The following RIT2 variants were observed in gnomAD, a reference collection of about 807,000 sequenced individuals.
The protein encoded by RIT2 is GTP-binding protein Rit2.
In RIT2, 24 loss-of-function variants were observed where a neutral mutation model predicts 23.7. That is an observed-to-expected ratio of 1.01 (90% CI 0.73 to 1.43). The LOEUF is 1.43. Ranked by LOEUF, RIT2 falls within the 40% of genes most tolerant of loss-of-function variation. The pLI is 0.00. For missense variants in RIT2, 236 were observed against 266.9 expected (o/e 0.88, Z 0.81); for synonymous variants, 107 against 91.1 (o/e 1.17, Z -0.99).
At chr18:42,796,450 C>T (rs1168958654) in intron 4 of RIT2, among the ~76,000 whole-genome samples, 1 of 127,856 alleles carries the variant, frequency 7.8e-6, no homozygotes, top group South Asian at 3.0e-4. Flanking sequence ...GTCAGTGAGA[C>T]CAAGAACCCA....
chr18:42,959,725 ATTGCAC>A (rs1910054291), intron 3 of RIT2, among the ~76,000 whole-genome samples: 1 of 152,200 alleles, frequency 6.6e-6, no homozygotes, highest in Admixed American at 6.5e-5. Flanking sequence ...TCATAATTTA[ATTGCAC>A]TATGAACCAT....
At chr18:43,024,766 G>C (rs1328882717) in intron 2 of RIT2, among the ~76,000 whole-genome samples, 1 of 150,752 alleles carries the variant, frequency 6.6e-6, no homozygotes, top group African/African-American at 2.4e-5. Context: ...TATAAAGTGG[G>C]CAAAGAACAT....
chr18:43,078,239 T>A (rs566377171), intron 1 of RIT2, among the ~76,000 whole-genome samples: 4 of 152,272 alleles, frequency 2.6e-5, no homozygotes, highest in Admixed American at 6.5e-5. Flanking sequence ...TGACAATTCC[T>A]CTATCCACAT....
intron 4 of RIT2, among the ~76,000 whole-genome samples, chr18:42,823,285 C>T (rs1906202093): frequency 2.0e-5 from 3 of 152,148 alleles, no homozygotes; most frequent in African/African-American, 7.2e-5. Flanking sequence ...AAATATTTCA[C>T]ACATTTGTTT....
intron 4 of RIT2, among the ~76,000 whole-genome samples, chr18:42,833,353 A>G (rs1039545226): frequency 2.6e-5 from 4 of 152,144 alleles, no homozygotes; most frequent in African/African-American, 7.2e-5. Context: ...TCCATTCTGT[A>G]TATATACTAC....
intron 4 of RIT2, among the ~76,000 whole-genome samples, chr18:42,858,887 C>A (rs1048847731): frequency 1.1e-4 from 17 of 152,148 alleles, no homozygotes; most frequent in African/African-American, 3.9e-4. Flanking sequence ...ATCAGTACTT[C>A]ATTTCTTTGC....
intron 4 of RIT2, among the ~76,000 whole-genome samples, chr18:42,900,381 A>G (rs1012702305): frequency 2.6e-4 from 39 of 152,110 alleles, no homozygotes; most frequent in African/African-American, 8.9e-4. Flanking sequence ...AGTCCATGCC[A>G]TGACAGGCAG....
rs1907463773 is a variant in RIT2, at chr18:42,866,149, A to G, written c.426+57423T>C. 1.3e-5 allele frequency among the ~76,000 whole-genome samples: 2 copies of G among 152,166 alleles called. 1 individual carries two copies. The highest frequency in any genetic ancestry group is 4.1e-4 in the South Asian group (2 of 4,830). ...AGTGGGTGTTTATTATGGTTTTGAA[A>G]CAATTGACATGAGAAGCTGGTTATT... On this transcript the variant is annotated intron_variant, in intron 4 of 4. Transcript: ENST00000326695.
intron 4 of RIT2, among the ~76,000 whole-genome samples, chr18:42,804,269 A>G (rs1467204835): frequency 3.3e-5 from 5 of 152,152 alleles, no homozygotes; most frequent in African/African-American, 1.2e-4. Flanking sequence ...AAGAAATTAA[A>G]GAGGCTGGGT....
intron 3 of RIT2, among the ~76,000 whole-genome samples, chr18:42,941,008 G>C (rs1909588253): frequency 6.6e-6 from 1 of 152,016 alleles, no homozygotes; most frequent in Non-Finnish European, 1.5e-5. Context: ...TGTTTATTCT[G>C]TCAGGCTTGA....
chr18:43,005,486 A>G (rs987427117), intron 2 of RIT2, among the ~76,000 whole-genome samples: 1 of 151,808 alleles, frequency 6.6e-6, no homozygotes, highest in Non-Finnish European at 1.5e-5. Context: ...ACAAATGCAC[A>G]TCTATTTTCC....
chr18:43,074,514 A>G (rs1912967441), intron 1 of RIT2, among the ~76,000 whole-genome samples: 2 of 152,188 alleles, frequency 1.3e-5, no homozygotes, highest in South Asian at 2.1e-4. Flanking sequence ...TACCTAATTT[A>G]CCCAAACTGG....
chr18:42,831,925 G>T (rs367723753), intron 4 of RIT2, among the ~76,000 whole-genome samples: 11 of 152,246 alleles, frequency 7.2e-5, no homozygotes, highest in African/African-American at 2.4e-4. Context: ...CACTAATCCT[G>T]TAGCTTCTAG....
chr18:42,998,934 T>G (rs1260646642), intron 2 of RIT2, among the ~76,000 whole-genome samples: 1 of 152,110 alleles, frequency 6.6e-6, no homozygotes, highest in East Asian at 1.9e-4. Flanking sequence ...ACCAGGTTAC[T>G]GCAGGGAATT....
chr18:42,817,832 A>G (rs1906040923), intron 4 of RIT2, among the ~76,000 whole-genome samples: 1 of 152,092 alleles, frequency 6.6e-6, no homozygotes, highest in Non-Finnish European at 1.5e-5. Context: ...AATAAGTGAT[A>G]ACATTTATAA....
At chr18:42,935,997 T>A (rs113677994) in intron 3 of RIT2, among the ~76,000 whole-genome samples, 46 of 151,738 alleles carry the variant, frequency 3.0e-4, no homozygotes, top group African/African-American at 9.7e-4. Flanking sequence ...TCCTTTTACA[T>A]CCGAGATACA....
intron 4 of RIT2, among the ~76,000 whole-genome samples, chr18:42,880,605 A>T (rs576091056): frequency 6.6e-6 from 1 of 152,180 alleles, no homozygotes; most frequent in Non-Finnish European, 1.5e-5. Flanking sequence ...TGTCCCCAAC[A>T]TAATTATATT....
intron 1 of RIT2, among the ~76,000 whole-genome samples, chr18:43,101,708 C>A (rs1913688706): frequency 6.6e-6 from 1 of 152,176 alleles, no homozygotes; most frequent in Admixed American, 6.5e-5. Context: ...TGGCAGACCA[C>A]TTGTATTCCT....
intron 1 of RIT2, among the ~76,000 whole-genome samples, chr18:43,071,221 A>T (rs753545820): frequency 6.6e-6 from 1 of 152,180 alleles, no homozygotes; most frequent in Non-Finnish European, 1.5e-5. Flanking sequence ...AAAAGTCCTG[A>T]ATATTCTCCC....
Sources: allele counts gnomAD v4.1 joint callset (sites outside exome capture counted in the v4.1 genomes callset), GRCh38; gene constraint gnomAD v4.1.1; transcripts MANE v1.5; gene names NCBI Gene and HGNC (gene_info 2026-07-23, HGNC 2026-07-21).